Variants in NEK11 observed in about 807,000 individuals in gnomAD.
NEK11 encodes the protein NIMA related kinase 11, also known as serine/threonine-protein kinase Nek11.
NEK11 carries 72 observed loss-of-function variants against 80.7 expected under a neutral mutation model. The observed-to-expected ratio is 0.89, with a 90% CI of 0.74 to 1.08. The LOEUF (loss-of-function observed/expected upper bound fraction) is 1.08, where lower values mean the gene tolerates loss of function less well. NEK11 is among the 50% of genes least tolerant of loss of function. The pLI is 0.00. For missense variants in NEK11, 764 were observed against 763.6 expected, an observed-to-expected ratio of 1.00 and a Z score of -0.01; for synonymous variants, 251 against 260.7, an observed-to-expected ratio of 0.96 and a Z score of 0.36.
chr3:131,312,410 G>A (rs563833910), intron 17 of NEK11, among the ~76,000 whole-genome samples: 1 of 152,126 alleles, frequency 6.6e-6, no homozygotes, highest in Non-Finnish European at 1.5e-5. Context: ...TTGTAGACAT[G>A]AGCCCATTTT....
intron 17 of NEK11, among the ~76,000 whole-genome samples, chr3:131,341,113 A>C (rs111422438): frequency 6.6e-6 from 1 of 152,180 alleles, no homozygotes; most frequent in Non-Finnish European, 1.5e-5. Flanking sequence ...AGTCCTCTTA[A>C]ATTGAATTTC....
intron 4 of NEK11, among the ~76,000 whole-genome samples, chr3:131,091,374 A>G (rs2076703618): frequency 6.6e-6 from 1 of 152,156 alleles, no homozygotes; most frequent in East Asian, 1.9e-4. Flanking sequence ...CTAAATATAT[A>G]TTTATTTAAT....
intron 3 of NEK11, among the ~76,000 whole-genome samples, chr3:131,080,210 A>G (rs1237841268): frequency 3.9e-5 from 6 of 152,124 alleles, no homozygotes; most frequent in Non-Finnish European, 8.8e-5. Flanking sequence ...ATAGAACTGT[A>G]GGATACACAG....
At chr3:131,201,193 CTATATATATATATACTTTCATA>C (rs1560933013) in intron 14 of NEK11, among the ~76,000 whole-genome samples, 1 of 145,298 alleles carries the variant, frequency 6.9e-6, no homozygotes, top group Non-Finnish European at 1.5e-5. Flanking sequence ...ATATATATAA[CTATATATATATATACTTTCATA>C]TATATATATA....
At chr3:131,119,126 T>C (rs1379869267) in intron 5 of NEK11, among the ~76,000 whole-genome samples, 1 of 152,224 alleles carries the variant, frequency 6.6e-6, no homozygotes, top group Non-Finnish European at 1.5e-5. Context: ...AATTTCCCTC[T>C]ACTCACCGCT....
intron 16 of NEK11, among the ~76,000 whole-genome samples, chr3:131,269,798 G>C (rs889834414): frequency 4.6e-5 from 7 of 152,324 alleles, no homozygotes; most frequent in East Asian, 1.9e-4. Context: ...CTTCATGGAC[G>C]TGAGACCAGT....
chr3:131,305,933 C>G (rs556644044), intron 17 of NEK11, among the ~76,000 whole-genome samples: 5 of 152,104 alleles, frequency 3.3e-5, no homozygotes, highest in Admixed American at 3.3e-4. Context: ...CCAGTGTCCC[C>G]GTCTCTTGAT....
chr3:131,157,376 G>A (rs2090849356), intron 10 of NEK11, among the ~76,000 whole-genome samples: 1 of 152,142 alleles, frequency 6.6e-6, no homozygotes. Flanking sequence ...TGTTGGCCCT[G>A]GGAGTGTGAT....
chr3:131,264,048 T>G (rs2095993428), intron 16 of NEK11, among the ~76,000 whole-genome samples: 1 of 152,234 alleles, frequency 6.6e-6, no homozygotes, highest in African/African-American at 2.4e-5. Context: ...TTGCCCACTT[T>G]TTGATGGGGT....
At chr3:131,186,575 C>G (rs2093610806) in intron 14 of NEK11, among the ~76,000 whole-genome samples, 2 of 152,302 alleles carry the variant, frequency 1.3e-5, no homozygotes, top group South Asian at 4.1e-4. Context: ...GGACAAAGTT[C>G]TTTCCTTAGA....
intron 14 of NEK11, among the ~76,000 whole-genome samples, chr3:131,188,981 A>G (rs2093694110): frequency 6.6e-6 from 1 of 152,216 alleles, no homozygotes. Context: ...CCCTGAATCC[A>G]GTGACAAGTC....
At chr3:131,286,738 T>C (rs903755603) in intron 17 of NEK11, among the ~76,000 whole-genome samples, 1 of 152,194 alleles carries the variant, frequency 6.6e-6, no homozygotes, top group African/African-American at 2.4e-5. Flanking sequence ...TAAACTGCCA[T>C]ATCTGGACTT....
rs553688054 is a variant in NEK11 at position 131,198,274 on chromosome 3, A to T, written c.1399+27387A>T. 1.9e-3 allele frequency among the ~76,000 whole-genome samples: 289 copies of T among 152,300 alleles called. 1 individual carries two copies. Among genetic ancestry groups the T allele is most frequent in the Non-Finnish European group, 3.1e-3 (209 of 68,034 alleles). On this transcript the variant is annotated intron_variant, in intron 14 of 17. Coordinates refer to ENST00000383366, the MANE Select transcript of NEK11 (RefSeq NM_024800.5). ...GGAACTTCCATCAGTATACAAGCTGAGGTCGGGATCAGTCAAGGGACCCTC... is the reference window on the plus strand; with the variant it reads ...GGAACTTCCATCAGTATACAAGCTGTGGTCGGGATCAGTCAAGGGACCCTC...
At chr3:131,155,510 T>C (rs141285722) in intron 10 of NEK11, among the ~76,000 whole-genome samples, 192 of 152,316 alleles carry the variant, frequency 1.3e-3, no homozygotes, top group African/African-American at 4.5e-3. Flanking sequence ...CAAGAAAACA[T>C]TGTGGAGTCC....
intron 3 of NEK11, among the ~76,000 whole-genome samples, chr3:131,072,958 G>C (rs1335929676): frequency 6.6e-6 from 1 of 151,726 alleles, no homozygotes; most frequent in Non-Finnish European, 1.5e-5. Context: ...CATTTTTTTT[G>C]GCTTGGCTAT....
chr3:131,079,362 G>A (rs16835728), intron 3 of NEK11, among the ~76,000 whole-genome samples: 1,531 of 152,272 alleles, frequency 0.01, 19 homozygotes, highest in East Asian at 0.072. Context: ...TGGTTAAAGG[G>A]CCTAAAGAAA....
intron 15 of NEK11, among the ~76,000 whole-genome samples, chr3:131,231,232 C>T (rs915937029): frequency 6.2e-5 from 9 of 144,678 alleles, no homozygotes; most frequent in Non-Finnish European, 1.0e-4. Context: ...GACAGTGTCT[C>T]GCTCTGTTGC....
At chr3:131,274,746 C>T (rs1263159425) in intron 17 of NEK11, among the ~76,000 whole-genome samples, 8 of 146,778 alleles carry the variant, frequency 5.5e-5, no homozygotes, top group Middle Eastern at 3.6e-3. Flanking sequence ...CTCTGCTTCC[C>T]GGGTTCACGC....
chr3:131,233,018 AAGG>A (rs2095360953), intron 15 of NEK11, among the ~76,000 whole-genome samples: 1 of 151,118 alleles, frequency 6.6e-6, no homozygotes, highest in East Asian at 2.0e-4. Context: ...GGAAGGAAGG[AAGG>A]AAGGAAGGAA....
Sources: gnomAD v4.1 joint callset for allele counts (sites outside exome capture counted in the v4.1 genomes callset) on GRCh38, gnomAD v4.1.1 for gene constraint, MANE v1.5 for transcripts, NCBI Gene and HGNC (gene_info 2026-07-23, HGNC 2026-07-21) for gene names.